The following KDM4C variants were observed in gnomAD, a reference collection of about 807,000 sequenced individuals.
KDM4C encodes lysine-specific demethylase 4C.
In KDM4C, 81 loss-of-function variants were observed where a neutral mutation model predicts 129.3. The observed-to-expected ratio is 0.63, with a 90% confidence interval of 0.52 to 0.75. KDM4C has a LOEUF of 0.75. KDM4C is among the 30% of genes least tolerant of loss of function. The pLI, the probability that KDM4C is intolerant of heterozygous loss-of-function variation, is 0.00. For synonymous variants in KDM4C, 573 were observed against 456.1 expected, an observed-to-expected ratio of 1.26 and a Z score of -3.26; for missense variants, 1,457 against 1,304.0, an observed-to-expected ratio of 1.12 and a Z score of -1.81.
chr9:7,098,008 T>C (rs1487260843), intron 17 of KDM4C, among the ~76,000 whole-genome samples: 1 of 152,266 alleles, frequency 6.6e-6, no homozygotes, highest in African/African-American at 2.4e-5. Flanking sequence ...TCTTACTTGA[T>C]CTTCCTTGTA....
intron 18 of KDM4C, among the ~76,000 whole-genome samples, chr9:7,114,001 T>C (rs1349435221): frequency 6.6e-6 from 1 of 152,194 alleles, no homozygotes; most frequent in Non-Finnish European, 1.5e-5. Context: ...AAAGCCCTGA[T>C]AAAAATACTG....
chr9:7,125,780 T>C (rs1165213932), intron 18 of KDM4C, among the ~76,000 whole-genome samples: 1 of 152,214 alleles, frequency 6.6e-6, no homozygotes, highest in Non-Finnish European at 1.5e-5. Context: ...TTTTGGTCCC[T>C]TGGGGATTAT....
At chr9:7,134,179 G>A (rs1409623848) in intron 19 of KDM4C, among the ~76,000 whole-genome samples, 1 of 152,314 alleles carries the variant, frequency 6.6e-6, no homozygotes. Flanking sequence ...TGGCCCACAT[G>A]GCCTTTCACT....
chr9:6,774,102 G>A (rs957857493), intron 1 of KDM4C, among the ~76,000 whole-genome samples: 1 of 151,906 alleles, frequency 6.6e-6, no homozygotes, highest in African/African-American at 2.4e-5. Context: ...TGGTCAGGCT[G>A]GTTTCGAACT....
rs34391703 is a variant in KDM4C, at chr9:6,761,002, C to CTTT, written c.-18+2814_-18+2816dup. ...TGCTGTGTTTTCCTTTCCTGGATGT[C>CTTT]TTTTTTTTTTTTTTTTTGAGACGGA... On this transcript the variant is annotated intron_variant, in intron 1 of 21. Coordinates refer to ENST00000381309, the MANE Select transcript of KDM4C (RefSeq NM_015061.6). Among the ~76,000 whole-genome samples, 353 of 129,248 alleles carry CTTT rather than the reference C, an allele frequency of 2.7e-3. 12 individuals carry two copies. The highest frequency in any genetic ancestry group is 9.3e-3 in the African/African-American group (315 of 33,810). 84.8% of individuals were successfully genotyped at this position (129,248 alleles called of 152,430 possible). A position where few individuals can be genotyped will look rare whatever the true frequency, so the allele number is the denominator to read the frequency against.
chr9:6,794,047 C>G (rs1827259635), intron 2 of KDM4C, among the ~76,000 whole-genome samples: 1 of 152,206 alleles, frequency 6.6e-6, no homozygotes, highest in South Asian at 2.1e-4. Flanking sequence ...TCCCTGCTAT[C>G]ACCCCCAGCC....
At chr9:6,831,013 G>A (rs1271552059) in intron 4 of KDM4C, among the ~76,000 whole-genome samples, 1 of 152,150 alleles carries the variant, frequency 6.6e-6, no homozygotes, top group African/African-American at 2.4e-5. Flanking sequence ...AAAGGCTCAA[G>A]TACAGCCCAT....
chr9:6,850,733 A>G (rs1047921862), intron 5 of KDM4C, among the ~76,000 whole-genome samples: 1 of 151,026 alleles, frequency 6.6e-6, no homozygotes, highest in African/African-American at 2.4e-5. Flanking sequence ...CACCCAGCCA[A>G]TGTATTTTTT....
At chr9:6,888,803 T>G (rs1386663861) in intron 7 of KDM4C, among the ~76,000 whole-genome samples, 1 of 89,630 alleles carries the variant, frequency 1.1e-5, no homozygotes, top group Non-Finnish European at 2.3e-5. Context: ...TTTTTTTTTT[T>G]TTGAGACGGA....
At chr9:7,112,353 G>T (rs1564132949) in intron 18 of KDM4C, among the ~76,000 whole-genome samples, 1 of 152,074 alleles carries the variant, frequency 6.6e-6, no homozygotes, top group Non-Finnish European at 1.5e-5. Context: ...GAGTGGATTA[G>T]AGAGTAGAAG....
intron 5 of KDM4C, among the ~76,000 whole-genome samples, chr9:6,855,558 T>G (rs986441765): frequency 2.6e-5 from 4 of 151,392 alleles, no homozygotes; most frequent in Non-Finnish European, 4.4e-5. Flanking sequence ...TGGCTCAGTC[T>G]AGGAAATCAG....
chr9:6,764,248 A>G (rs1030334503), intron 1 of KDM4C, among the ~76,000 whole-genome samples: 4 of 152,362 alleles, frequency 2.6e-5, no homozygotes, highest in Non-Finnish European at 5.9e-5. Context: ...GCTGATTATT[A>G]GAGAACAGAA....
intron 2 of KDM4C, among the ~76,000 whole-genome samples, chr9:6,800,356 C>G (rs187609639): frequency 1.7e-3 from 265 of 152,052 alleles, no homozygotes; most frequent in African/African-American, 6.2e-3. Context: ...AACAGTGAGA[C>G]TCCATCTCAA....
intron 1 of KDM4C, among the ~76,000 whole-genome samples, chr9:6,763,475 CT>C (rs1259843967): frequency 3.9e-5 from 6 of 152,164 alleles, no homozygotes; most frequent in Non-Finnish European, 8.8e-5. Context: ...CATGCCATTA[CT>C]TGTGTATCTC....
chr9:7,049,272 C>T (rs188525519), intron 17 of KDM4C, 72 bp downstream of exon 17: 1 of 723,660 alleles, frequency 1.4e-6, no homozygotes, highest in Admixed American at 2.6e-5. Context: ...TCCATTAATG[C>T]ACACATTCCC....
chr9:7,012,109 C>T (rs1822821773), intron 13 of KDM4C, among the ~76,000 whole-genome samples: 1 of 152,142 alleles, frequency 6.6e-6, no homozygotes, highest in Admixed American at 6.5e-5. Context: ...TGCTCTGTTG[C>T]CCAGGCTGAA....
At chr9:6,876,743 G>A (rs113695936) in intron 5 of KDM4C, among the ~76,000 whole-genome samples, 3,327 of 152,228 alleles carry the variant, frequency 0.022, 54 homozygotes, top group African/African-American at 0.028. Context: ...TGCCCCTGAA[G>A]CCAGGTGCTC....
chr9:6,763,988 A>T (rs1387204143), intron 1 of KDM4C, among the ~76,000 whole-genome samples: 1 of 152,104 alleles, frequency 6.6e-6, no homozygotes, highest in African/African-American at 2.4e-5. Flanking sequence ...CGAACTCCCA[A>T]CCTCAGGTGA....
At chr9:6,842,666 G>A (rs930615213) in intron 4 of KDM4C, among the ~76,000 whole-genome samples, 2 of 151,968 alleles carry the variant, frequency 1.3e-5, no homozygotes, top group Admixed American at 6.6e-5. Context: ...GTTGGTTAAT[G>A]TCACATAAAA....
Sources: allele counts gnomAD v4.1 joint callset (sites outside exome capture counted in the v4.1 genomes callset), GRCh38; gene constraint gnomAD v4.1.1; transcripts MANE v1.5; gene names NCBI Gene and HGNC (gene_info 2026-07-23, HGNC 2026-07-21).